Variants in IGF1 observed in about 807,000 individuals in gnomAD.
IGF1 encodes insulin like growth factor 1, also known as insulin-like growth factor 1.
IGF1 carries 4 observed loss-of-function variants against 13.8 expected under a neutral mutation model. That is an observed-to-expected ratio of 0.29 (90% CI 0.14 to 0.66). The LOEUF is 0.66. Among genes scored for constraint, IGF1 ranks in the 30% least tolerant of loss-of-function variants. The pLI is 0.78. For synonymous variants in IGF1, 76 were observed against 72.6 expected, an observed-to-expected ratio of 1.05 and a Z score of -0.23; for missense variants, 124 against 188.5, an observed-to-expected ratio of 0.66 and a Z score of 2.00.
At chr12:102,420,840 G>A (rs897015374) in intron 2 of IGF1, among the ~76,000 whole-genome samples, 10 of 152,130 alleles carry the variant, frequency 6.6e-5, no homozygotes, top group African/African-American at 2.4e-4. Flanking sequence ...TAAATCACGG[G>A]CACAGAAGAA....
At chr12:102,406,134 G>A (rs1201588124) in intron 3 of IGF1, among the ~76,000 whole-genome samples, 2 of 152,168 alleles carry the variant, frequency 1.3e-5, no homozygotes, top group Admixed American at 6.5e-5. Flanking sequence ...CTGGGATATC[G>A]TCTGGTTTGC....
intron 2 of IGF1, among the ~76,000 whole-genome samples, chr12:102,443,654 G>C (rs557124300): frequency 3.5e-4 from 53 of 152,052 alleles, no homozygotes; most frequent in Non-Finnish European, 5.9e-4. Flanking sequence ...ATCACTGGCT[G>C]GCTACTAATG....
intron 2 of IGF1, among the ~76,000 whole-genome samples, chr12:102,428,369 C>G (rs1290225329): frequency 6.6e-6 from 1 of 151,402 alleles, no homozygotes; most frequent in East Asian, 1.9e-4. Flanking sequence ...GATGTATAAG[C>G]TGAATTTAAG....
At chr12:102,418,025 T>C (rs372780104) in intron 3 of IGF1, 98 of 1,602,164 alleles carry the variant, frequency 6.1e-5, no homozygotes, top group East Asian at 4.7e-4. Context: ...ACAAAAATAA[T>C]TGCATTGAGA....
chr12:102,417,545 CT>C (rs924754361), intron 3 of IGF1: 12 of 1,152,116 alleles, frequency 1.0e-5, no homozygotes, highest in East Asian at 4.3e-5. Context: ...AATAGTGTGT[CT>C]TTTTTTGCCT....
chr12:102,456,221 GGTGTGTGTGTGTGTGTGTGT>G (rs59075811), intron 2 of IGF1, among the ~76,000 whole-genome samples: 10 of 140,272 alleles, frequency 7.1e-5, no homozygotes, highest in South Asian at 4.9e-4. Context: ...ATTTAAAAAA[GGTGTGTGTGTGTGTGTGTGT>G]GTGTGTGTGT....
chr12:102,460,696 C>T (rs548036736), intron 2 of IGF1, among the ~76,000 whole-genome samples: 1 of 152,282 alleles, frequency 6.6e-6, no homozygotes, highest in East Asian at 1.9e-4. Context: ...AGTAAACATT[C>T]TGGAAAAGGT....
At chr12:102,436,872 T>C (rs1264079716) in intron 2 of IGF1, among the ~76,000 whole-genome samples, 1 of 152,172 alleles carries the variant, frequency 6.6e-6, no homozygotes, top group Non-Finnish European at 1.5e-5. Context: ...GCCCTTCTGA[T>C]GAGACTGTGT....
At chr12:102,426,471 A>T (rs1876217239) in intron 2 of IGF1, among the ~76,000 whole-genome samples, 1 of 152,208 alleles carries the variant, frequency 6.6e-6, no homozygotes, top group South Asian at 2.1e-4. Flanking sequence ...TCCTTTCCAA[A>T]GTTTGGTCGA....
intron 2 of IGF1, among the ~76,000 whole-genome samples, chr12:102,443,734 A>AG (rs1354849979): frequency 1.2e-4 from 18 of 152,230 alleles, no homozygotes; most frequent in African/African-American, 4.1e-4. Context: ...CTGGAAAGGA[A>AG]GGTAACAGAT....
intron 3 of IGF1, among the ~76,000 whole-genome samples, chr12:102,409,393 C>T (rs1395600647): frequency 6.6e-6 from 1 of 152,192 alleles, no homozygotes; most frequent in East Asian, 1.9e-4. Context: ...CTTCTATATC[C>T]TCTCCAGATC....
At chr12:102,480,209 G>T (rs184173184) in intron 1 of IGF1, 110 bp downstream of exon 1, 6 of 1,047,400 alleles carry the variant, frequency 5.7e-6, no homozygotes, top group Non-Finnish European at 8.7e-6. Context: ...AATAACTCTC[G>T]GTTCCGAAAC....
intron 2 of IGF1, among the ~76,000 whole-genome samples, chr12:102,463,742 T>C (rs1417102545): frequency 6.6e-6 from 1 of 152,244 alleles, no homozygotes; most frequent in Admixed American, 6.5e-5. Flanking sequence ...TTATGAGCAC[T>C]ACCCTCATAT....
At chr12:102,443,435 T>C (rs961632490) in intron 2 of IGF1, among the ~76,000 whole-genome samples, 3 of 152,060 alleles carry the variant, frequency 2.0e-5, no homozygotes, top group African/African-American at 7.2e-5. Flanking sequence ...GATGGTGAAA[T>C]AGAAATCTAG....
rs1262875290 is a variant in IGF1, at chr12:102,400,870, T to C, written c.*1637A>G. 5.9e-5 allele frequency: 9 copies of C among 152,354 alleles called. No homozygotes were observed. The highest frequency in any genetic ancestry group is 1.9e-4 in the East Asian group (1 of 5,192). 9.4% of individuals were successfully genotyped at this position (152,354 alleles called of 1,614,324 possible). ...CTTTTCCTTTCTCTCTTTTCACTTATCTTTGTATTCATAAAACCAAATGCA... is the reference window on the plus strand; with the variant it reads ...CTTTTCCTTTCTCTCTTTTCACTTACCTTTGTATTCATAAAACCAAATGCA... On this transcript the variant is annotated 3_prime_UTR_variant, in exon 4 of 4. Coordinates refer to ENST00000337514, the MANE Select transcript of IGF1 (RefSeq NM_000618.5).
At chr12:102,423,087 G>A (rs1592757850) in intron 2 of IGF1, 1 of 152,064 alleles carries the variant, frequency 6.6e-6, no homozygotes, top group African/African-American at 2.4e-5. Context: ...TATAACAAGT[G>A]AAGAGATGAA....
chr12:102,415,564 T>TTCCTTCCTTCCGTCCG, intron 3 of IGF1: 1 of 140,994 alleles, frequency 7.1e-6, no homozygotes, highest in African/African-American at 2.7e-5. Flanking sequence ...CCTTCCTTCC[T>TTCCTTCCTTCCGTCCG]TCCTTCCTTC....
intron 2 of IGF1, among the ~76,000 whole-genome samples, chr12:102,434,948 T>C (rs1157009469): frequency 6.6e-6 from 1 of 152,238 alleles, no homozygotes; most frequent in Non-Finnish European, 1.5e-5. Flanking sequence ...ATGTCTTCTC[T>C]GTATTTGCAG....
chr12:102,471,581 C>T (rs1439698485), intron 2 of IGF1, among the ~76,000 whole-genome samples: 1 of 152,122 alleles, frequency 6.6e-6, no homozygotes, highest in African/African-American at 2.4e-5. Context: ...GAATGCCATT[C>T]GTTTATTCAG....
Sources: gnomAD v4.1 joint callset for allele counts (sites outside exome capture counted in the v4.1 genomes callset) on GRCh38, gnomAD v4.1.1 for gene constraint, MANE v1.5 for transcripts, NCBI Gene and HGNC (gene_info 2026-07-23, HGNC 2026-07-21) for gene names.